LYRM4: variants seen among roughly 807,000 people sequenced by gnomAD.
LYRM4 encodes LYR motif containing 4.
A neutral mutation model predicts 11.7 loss-of-function variants in LYRM4; 9 were observed. That is an observed-to-expected ratio of 0.77 (90% CI 0.46 to 1.34). The LOEUF (loss-of-function observed/expected upper bound fraction) is 1.34, where lower values mean the gene tolerates loss of function less well. Among genes scored for constraint, LYRM4 ranks in the 40% most tolerant of loss-of-function variants. The probability of loss-of-function intolerance (pLI) is 0.00; values close to 1 mark genes in which losing one functional copy is unlikely to be tolerated. For synonymous variants in LYRM4, 42 were observed against 40.4 expected (o/e 1.04, Z -0.15); for missense variants, 133 against 112.5 (o/e 1.18, Z -0.82).
At chr6:5,068,333 T>C in the LYRM4 span, among the ~76,000 whole-genome samples, 1 of 152,360 alleles carries the variant, frequency 6.6e-6, no homozygotes, top group South Asian at 2.1e-4. The surrounding 1 kb of genome is among the most constrained non-coding windows in gnomAD (Gnocchi z 4.0). Flanking sequence ...CAGTCAGGAC[T>C]TGCCTGGGAT....
chr6:5,064,599 T>A, the LYRM4 span, among the ~76,000 whole-genome samples: 27 of 152,352 alleles, frequency 1.8e-4, no homozygotes, highest in Non-Finnish European at 8.8e-5. Context: ...GACGAGGGTC[T>A]CACTATATTG....
chr6:5,104,661 A>G (rs992167392), downstream of LYRM4: 1 of 152,156 alleles, frequency 6.6e-6, no homozygotes, highest in Non-Finnish European at 1.5e-5. Flanking sequence ...AGAAAAGATA[A>G]ATTCATCGAG....
intron 2 of LYRM4, among the ~76,000 whole-genome samples, chr6:5,126,863 G>A (rs931356180): frequency 2.0e-5 from 3 of 152,290 alleles, no homozygotes; most frequent in South Asian, 4.1e-4. Flanking sequence ...GAATGAGTAC[G>A]GGGTTTCTTT....
At chr6:5,138,629 G>T in intron 2 of LYRM4, 2 of 977,090 alleles carry the variant, frequency 2.0e-6, no homozygotes, top group South Asian at 3.3e-5. Context: ...TATATACTAT[G>T]ACATCTGTAT....
intron 1 of LYRM4, 31 bp downstream of exon 1, chr6:5,260,596 GGTCCCCGGCCCCTGGCCCCCC>G: frequency 8.3e-7 from 1 of 1,204,084 alleles, no homozygotes; most frequent in Non-Finnish European, 1.2e-6. Flanking sequence ...CCGCACCCCC[GGTCCCCGGCCCCTGGCCCCCC>G]GCCCCCGGCC....
At chr6:5,084,499 C>G in the LYRM4 span, 2 of 151,964 alleles carry the variant, frequency 1.3e-5, no homozygotes, top group African/African-American at 4.8e-5. Flanking sequence ...GCCCTCCCTG[C>G]GGGATCCCGG....
chr6:5,233,774 C>T (rs866600960), intron 1 of LYRM4, among the ~76,000 whole-genome samples: 2 of 152,230 alleles, frequency 1.3e-5, no homozygotes, highest in African/African-American at 2.4e-5. Context: ...CCATGCTCAG[C>T]CTGCATCTGA....
intron 2 of LYRM4, among the ~76,000 whole-genome samples, chr6:5,109,949 G>GT (rs34187328): frequency 0.18 from 27,423 of 152,162 alleles, 2,682 homozygotes; most frequent in African/African-American, 0.24. Context: ...GCAGACACCT[G>GT]TCCGTGGCCC....
chr6:5,260,742 G>GA lies in LYRM4; in HGVS notation c.-10dup, dbSNP rs561083109. On this transcript the variant is annotated 5_prime_UTR_variant, in exon 1 of 3. Coordinates refer to ENST00000330636, the MANE Select transcript of LYRM4 (RefSeq NM_020408.6). ...CGACTGGAGGCTGCCATTTTGGAAA[G>GA]AAAAAAAAATAAACGGGTCCTCTTC... 4.5e-3 allele frequency: 6,888 copies of GA among 1,515,736 alleles called. 119 individuals carry two copies. The African/African-American group carries it at 0.053, about 12-fold the overall frequency. 93.9% of individuals were successfully genotyped at this position (1,515,736 alleles called of 1,614,324 possible).
chr6:5,227,722 T>G (rs141811850), intron 1 of LYRM4, among the ~76,000 whole-genome samples: 2,992 of 152,244 alleles, frequency 0.02, 88 homozygotes, highest in African/African-American at 0.067. Context: ...TAGCAAAGAC[T>G]TGGAACCAAC....
chr6:5,248,963 C>T (rs1421063846), intron 1 of LYRM4, among the ~76,000 whole-genome samples: 1 of 152,222 alleles, frequency 6.6e-6, no homozygotes, highest in African/African-American at 2.4e-5. Flanking sequence ...ATTACAGTGA[C>T]AGAGTTCTTT....
At chr6:5,121,960 C>T (rs1763476276) in intron 2 of LYRM4, among the ~76,000 whole-genome samples, 2 of 152,226 alleles carry the variant, frequency 1.3e-5, no homozygotes, top group African/African-American at 2.4e-5. Context: ...GGATACATAT[C>T]TTTGACAAAC....
At chr6:5,079,154 G>T in the LYRM4 span, among the ~76,000 whole-genome samples, 1 of 152,186 alleles carries the variant, frequency 6.6e-6, no homozygotes, top group African/African-American at 2.4e-5. Flanking sequence ...AAGTGGATAG[G>T]TCTGAGAGCT....
the LYRM4 span, chr6:5,086,613 C>T: frequency 2.2e-6 from 3 of 1,375,400 alleles, no homozygotes; most frequent in East Asian, 7.6e-5. Context: ...GCACGTGGAG[C>T]TCGGGCTGCC....
At chr6:5,246,199 C>T (rs566826227) in intron 1 of LYRM4, among the ~76,000 whole-genome samples, 1 of 152,300 alleles carries the variant, frequency 6.6e-6, no homozygotes, top group Admixed American at 6.5e-5. Flanking sequence ...TGAAGGTCTA[C>T]AGCCGTGTGG....
At chr6:5,055,738 A>T in the LYRM4 span, among the ~76,000 whole-genome samples, 2,790 of 152,234 alleles carry the variant, frequency 0.018, 41 homozygotes, top group Non-Finnish European at 0.024. This position sits in a 1 kb window ranked among gnomAD's most constrained non-coding sequence, Gnocchi z 4.5. Context: ...CTTAGCTAAG[A>T]CATCTCTGGT....
At chr6:5,199,767 C>G (rs187017241) in intron 2 of LYRM4, among the ~76,000 whole-genome samples, 1 of 152,342 alleles carries the variant, frequency 6.6e-6, no homozygotes, top group East Asian at 1.9e-4. Flanking sequence ...GCTGTGCCAT[C>G]CAGTTCCTTT....
chr6:5,116,023 T>C (rs1313449282), intron 2 of LYRM4, among the ~76,000 whole-genome samples: 1 of 152,108 alleles, frequency 6.6e-6, no homozygotes, highest in African/African-American at 2.4e-5. Context: ...AAAGCACAGT[T>C]TAGGACAGTG....
At chr6:5,156,017 A>T (rs1164243899) in intron 2 of LYRM4, among the ~76,000 whole-genome samples, 1 of 152,218 alleles carries the variant, frequency 6.6e-6, no homozygotes, top group Non-Finnish European at 1.5e-5. Context: ...AAACACACAG[A>T]TTTATAATCT....
Sources: gnomAD v4.1 joint callset for allele counts (sites outside exome capture counted in the v4.1 genomes callset) on GRCh38, gnomAD v4.1.1 for gene constraint, Gnocchi (gnomAD v3.1) non-coding constraint, MANE v1.5 for transcripts, NCBI Gene and HGNC (gene_info 2026-07-23, HGNC 2026-07-21) for gene names.